The following KLF12 variants were observed in gnomAD, a reference collection of about 807,000 sequenced individuals.
The protein encoded by KLF12 is Krueppel-like factor 12.
Under a neutral mutation model 37.8 loss-of-function variants are expected in KLF12, and 9 were observed. The ratio of observed to expected loss-of-function variants is 0.24; its 90% CI spans 0.14 to 0.42. The LOEUF (loss-of-function observed/expected upper bound fraction) is 0.42, where lower values mean the gene tolerates loss of function less well. Ranked by LOEUF, KLF12 falls within the 10% of genes least tolerant of loss-of-function variation. The probability of loss-of-function intolerance (pLI) is 1.00; values close to 1 mark genes in which losing one functional copy is unlikely to be tolerated. For missense variants in KLF12, 411 were observed against 516.0 expected, an observed-to-expected ratio of 0.80 and a Z score of 1.97; for synonymous variants, 208 against 202.1, an observed-to-expected ratio of 1.03 and a Z score of -0.25.
the KLF12 span, among the ~76,000 whole-genome samples, chr13:74,202,401 A>G: frequency 6.6e-6 from 1 of 152,088 alleles, no homozygotes; most frequent in East Asian, 1.9e-4. Flanking sequence ...AAACCTGCAA[A>G]CAAACTCACA....
chr13:73,976,097 A>AG (rs980539179), intron 2 of KLF12, among the ~76,000 whole-genome samples: 4 of 151,562 alleles, frequency 2.6e-5, no homozygotes, highest in African/African-American at 9.7e-5. Context: ...AGTCATTAAA[A>AG]AAAATGTTGA....
intron 2 of KLF12, among the ~76,000 whole-genome samples, chr13:73,950,020 C>T (rs1271055253): frequency 3.9e-5 from 6 of 152,144 alleles, no homozygotes; most frequent in African/African-American, 1.4e-4. Flanking sequence ...AAACAGAATC[C>T]TTCCATTAAA....
intron 4 of KLF12, among the ~76,000 whole-genome samples, chr13:73,827,993 G>A (rs948398427): frequency 1.3e-5 from 2 of 151,958 alleles, no homozygotes; most frequent in South Asian, 2.1e-4. Context: ...GTTTGCAAAG[G>A]TATATTCTTT....
chr13:73,801,913 T>TTTGA (rs1481398306), intron 5 of KLF12: 5 of 152,128 alleles, frequency 3.3e-5, no homozygotes, highest in Non-Finnish European at 7.4e-5. Flanking sequence ...AACCTTTAGT[T>TTTGA]TTCAAAAGTT....
At chr13:73,904,281 G>A (rs1888169305) in intron 3 of KLF12, among the ~76,000 whole-genome samples, 1 of 152,076 alleles carries the variant, frequency 6.6e-6, no homozygotes. Flanking sequence ...CAACAAATTT[G>A]TTTTCTGGGA....
Position 73,764,992 on chromosome 13 carries a change from G to T in KLF12, c.815C>A (p.Pro272Gln). The T allele has an allele frequency of 6.4e-7, 1 of 1,565,344 alleles. No homozygotes were observed. The highest frequency in any genetic ancestry group is 8.8e-7 in the Non-Finnish European group (1 of 1,138,414). Reference sequence around the variant, plus strand: ...GCCCCGGACCCTTGATACTGGGGACGGATGTACCCTGTAGACAGAGAAGAA... The same window carrying T: ...GCCCCGGACCCTTGATACTGGGGACTGATGTACCCTGTAGACAGAGAAGAA... Residue 272 changes from proline (P) to glutamine (Q), a missense_variant, in exon 6 of 8, where the codon CCG becomes CAG. This residue lies in a region of KLF12 where 351 missense variants were observed against 397.8 expected (regional missense o/e 0.88). Transcript: ENST00000377669.
chr13:74,034,373 T>C (rs1455867307), intron 1 of KLF12, among the ~76,000 whole-genome samples: 1 of 152,178 alleles, frequency 6.6e-6, no homozygotes, highest in African/African-American at 2.4e-5. Flanking sequence ...CCGGCCCATT[T>C]ATGCATTCTC....
At chr13:74,218,542 T>A in the KLF12 span, among the ~76,000 whole-genome samples, 1 of 152,170 alleles carries the variant, frequency 6.6e-6, no homozygotes, top group African/African-American at 2.4e-5. Context: ...TTTTCCATTT[T>A]CTATGCTGTG....
At chr13:73,963,996 C>T (rs893965062) in intron 2 of KLF12, among the ~76,000 whole-genome samples, 18 of 152,180 alleles carry the variant, frequency 1.2e-4, no homozygotes, top group Non-Finnish European at 2.5e-4. Flanking sequence ...CAAGAACAGT[C>T]TCTGAGGTTC....
At chr13:73,941,750 T>G (rs1890196157) in intron 3 of KLF12, among the ~76,000 whole-genome samples, 1 of 152,178 alleles carries the variant, frequency 6.6e-6, no homozygotes, top group African/African-American at 2.4e-5. Flanking sequence ...ATTATACATT[T>G]CATTAAACAC....
the KLF12 span, among the ~76,000 whole-genome samples, chr13:74,305,858 A>G: frequency 1.3e-5 from 2 of 152,096 alleles, no homozygotes; most frequent in Non-Finnish European, 2.9e-5. Flanking sequence ...AGCTGTCTCT[A>G]CAATTCTCTG....
chr13:74,192,908 G>C, the KLF12 span, among the ~76,000 whole-genome samples: 5 of 151,616 alleles, frequency 3.3e-5, no homozygotes, highest in East Asian at 9.7e-4. Flanking sequence ...TATTACTAGA[G>C]ACCCAGAGAC....
At chr13:73,866,673 CA>C (rs1886192151) in intron 3 of KLF12, among the ~76,000 whole-genome samples, 1 of 151,840 alleles carries the variant, frequency 6.6e-6, no homozygotes, top group Non-Finnish European at 1.5e-5. Flanking sequence ...TCATGGCTAA[CA>C]GACCATGTAA....
chr13:73,760,782 C>T (rs1879501503), intron 6 of KLF12, among the ~76,000 whole-genome samples: 1 of 152,230 alleles, frequency 6.6e-6, no homozygotes, highest in Admixed American at 6.5e-5. Flanking sequence ...CAAGCAACGA[C>T]ACATGCCCAA....
At chr13:73,944,307 GGTCAGACT>G (rs1890323565) in intron 2 of KLF12, among the ~76,000 whole-genome samples, 1 of 152,092 alleles carries the variant, frequency 6.6e-6, no homozygotes, top group Non-Finnish European at 1.5e-5. Flanking sequence ...CTGGGTTGGA[GGTCAGACT>G]GTAATAAACT....
At chr13:74,301,785 G>A in the KLF12 span, among the ~76,000 whole-genome samples, 3 of 152,122 alleles carry the variant, frequency 2.0e-5, no homozygotes, top group African/African-American at 7.2e-5. Context: ...ATTTCAGGGC[G>A]TTAGAGTGTA....
chr13:74,299,167 G>A, the KLF12 span, among the ~76,000 whole-genome samples: 1 of 152,194 alleles, frequency 6.6e-6, no homozygotes, highest in Non-Finnish European at 1.5e-5. Context: ...ATAAATAGCA[G>A]CATGTTTAGT....
chr13:74,142,614 C>T, the KLF12 span, among the ~76,000 whole-genome samples: 1 of 152,144 alleles, frequency 6.6e-6, no homozygotes, highest in African/African-American at 2.4e-5. Context: ...CAGTTATCAC[C>T]AGTCCTAACT....
the KLF12 span, among the ~76,000 whole-genome samples, chr13:74,241,460 G>T: frequency 1.3e-5 from 2 of 152,232 alleles, no homozygotes; most frequent in African/African-American, 4.8e-5. Context: ...CTTGAGCTGT[G>T]GTGGGCTCCA....
Sources: gnomAD v4.1 joint callset for allele counts (sites outside exome capture counted in the v4.1 genomes callset) on GRCh38, gnomAD v4.1.1 for gene constraint, gnomAD v4.1.1 regional missense constraint, MANE v1.5 for transcripts, NCBI Gene and HGNC (gene_info 2026-07-23, HGNC 2026-07-21) for gene names.